MAF: variants seen among roughly 807,000 people sequenced by gnomAD.
MAF encodes MAF bZIP transcription factor, also known as transcription factor Maf.
In MAF, 10 loss-of-function variants were observed where a neutral mutation model predicts 22.0. The observed-to-expected ratio is 0.45, with a 90% CI of 0.28 to 0.77. The LOEUF (loss-of-function observed/expected upper bound fraction) is 0.77, where lower values mean the gene tolerates loss of function less well. Among genes scored for constraint, MAF ranks in the 30% least tolerant of loss-of-function variants. MAF has a pLI of 0.12. For synonymous variants in MAF, 337 were observed against 255.8 expected (o/e 1.32, Z -3.03); for missense variants, 544 against 548.4 (o/e 0.99, Z 0.08).
intron 1 of MAF, among the ~76,000 whole-genome samples, chr16:79,587,871 G>T (rs948506877): frequency 6.6e-5 from 3 of 45,278 alleles, no homozygotes; most frequent in South Asian, 6.3e-4. Context: ...CTTTCAAAAG[G>T]GGGGGGGGGG....
chr16:79,524,034 A>C, the MAF span, among the ~76,000 whole-genome samples: 1 of 152,200 alleles, frequency 6.6e-6, no homozygotes, highest in Non-Finnish European at 1.5e-5. Flanking sequence ...CCTCTCCCGG[A>C]GATATCTGGG....
chr16:79,557,167 G>GT, the MAF span, among the ~76,000 whole-genome samples: 7 of 99,008 alleles, frequency 7.1e-5, no homozygotes, highest in East Asian at 4.7e-4. Flanking sequence ...AGCAAGTGTA[G>GT]TTTTTTTTAT....
the MAF span, among the ~76,000 whole-genome samples, chr16:79,231,205 C>A: frequency 6.6e-6 from 1 of 152,066 alleles, no homozygotes; most frequent in East Asian, 1.9e-4. Context: ...TGCCAATGGG[C>A]TCTTATGGGA....
At chr16:79,563,404 A>G in the MAF span, among the ~76,000 whole-genome samples, 2 of 152,172 alleles carry the variant, frequency 1.3e-5, no homozygotes, top group Non-Finnish European at 2.9e-5. Context: ...TCTTTCTGTT[A>G]AGTACATCTT....
At chr16:79,372,816 C>T in the MAF span, among the ~76,000 whole-genome samples, 2 of 152,214 alleles carry the variant, frequency 1.3e-5, no homozygotes, top group East Asian at 1.9e-4. Context: ...GGCACCCTCT[C>T]AGCTCCAGAC....
chr16:79,454,836 C>G, the MAF span, among the ~76,000 whole-genome samples: 1 of 152,182 alleles, frequency 6.6e-6, no homozygotes, highest in Non-Finnish European at 1.5e-5. Flanking sequence ...ACTCCTCATG[C>G]CTGTAATCCC....
At chr16:79,486,485 A>C in the MAF span, among the ~76,000 whole-genome samples, 1 of 152,152 alleles carries the variant, frequency 6.6e-6, no homozygotes, top group Admixed American at 6.5e-5. Flanking sequence ...TTACCCAAAG[A>C]CTGATTTCAT....
At chr16:79,483,789 G>A in the MAF span, among the ~76,000 whole-genome samples, 3 of 152,150 alleles carry the variant, frequency 2.0e-5, no homozygotes, top group Non-Finnish European at 4.4e-5. Flanking sequence ...AGATCTTTGA[G>A]ACCCTGAGAA....
the MAF span, among the ~76,000 whole-genome samples, chr16:79,233,991 C>CAAAA: frequency 4.0e-5 from 5 of 125,714 alleles, no homozygotes; most frequent in East Asian, 4.8e-4. Flanking sequence ...GACTCCATCG[C>CAAAA]AAAAAAAAAA....
At chr16:79,358,907 G>A in the MAF span, among the ~76,000 whole-genome samples, 1 of 152,192 alleles carries the variant, frequency 6.6e-6, no homozygotes, top group Non-Finnish European at 1.5e-5. Flanking sequence ...GGCAGAAGTG[G>A]TCAGTGCTGT....
chr16:79,347,346 G>T, the MAF span, among the ~76,000 whole-genome samples: 61 of 152,278 alleles, frequency 4.0e-4, 1 homozygote, highest in East Asian at 7.5e-3. Context: ...CTAGTGAGTG[G>T]GTCACAGACA....
the MAF span, among the ~76,000 whole-genome samples, chr16:79,298,209 C>T: frequency 9.7e-3 from 1,485 of 152,310 alleles, 10 homozygotes; most frequent in Non-Finnish European, 0.015. Context: ...TGGGGACTTG[C>T]GTCCCCAGGA....
the MAF span, among the ~76,000 whole-genome samples, chr16:79,460,566 G>A: frequency 6.6e-6 from 1 of 151,754 alleles, no homozygotes; most frequent in African/African-American, 2.4e-5. Flanking sequence ...CTATCAATTA[G>A]GGATAAAAAA....
chr16:79,397,929 A>G, the MAF span, among the ~76,000 whole-genome samples: 1 of 152,212 alleles, frequency 6.6e-6, no homozygotes, highest in Non-Finnish European at 1.5e-5. Flanking sequence ...TCATTTTTCT[A>G]TTGCTGCTGT....
At chr16:79,561,565 T>C in the MAF span, among the ~76,000 whole-genome samples, 1 of 149,914 alleles carries the variant, frequency 6.7e-6, no homozygotes, top group African/African-American at 2.5e-5. Flanking sequence ...GAACATGCAG[T>C]GTTTGGTTTT....
the MAF span, among the ~76,000 whole-genome samples, chr16:79,421,897 C>G: frequency 2.0e-4 from 30 of 152,294 alleles, no homozygotes; most frequent in African/African-American, 6.0e-4. Flanking sequence ...CCTGCCTCAC[C>G]CTCCTGGGTA....
chr16:79,232,625 G>A, the MAF span, among the ~76,000 whole-genome samples: 1 of 152,068 alleles, frequency 6.6e-6, no homozygotes, highest in East Asian at 1.9e-4. Flanking sequence ...CATGGACAGT[G>A]TGTGAAGTTT....
chr16:79,523,629 C>T, the MAF span, among the ~76,000 whole-genome samples: 422 of 152,158 alleles, frequency 2.8e-3, 2 homozygotes, highest in African/African-American at 9.8e-3. Flanking sequence ...AATTGCAAGG[C>T]GAGATAAGCT....
the MAF span, among the ~76,000 whole-genome samples, chr16:79,525,077 C>A: frequency 1.3e-5 from 2 of 152,170 alleles, no homozygotes; most frequent in South Asian, 2.1e-4. Flanking sequence ...TTAGTGGCCA[C>A]AGCACGATTC....
Sources: allele counts gnomAD v4.1 joint callset (sites outside exome capture counted in the v4.1 genomes callset), GRCh38; gene constraint gnomAD v4.1.1; transcripts MANE v1.5; gene names NCBI Gene and HGNC (gene_info 2026-07-23, HGNC 2026-07-21).